The following NRXN3 variants were observed in gnomAD, a reference collection of about 807,000 sequenced individuals.
NRXN3 encodes the protein neurexin III.
NRXN3 carries 32 observed loss-of-function variants against 137.6 expected under a neutral mutation model. The observed-to-expected ratio is 0.23, with a 90% CI of 0.18 to 0.31. The LOEUF (loss-of-function observed/expected upper bound fraction) is 0.31, where lower values mean the gene tolerates loss of function less well. NRXN3 is among the 10% of genes least tolerant of loss of function. The pLI is 1.00. For missense variants in NRXN3, 1,574 were observed against 2,062.5 expected (o/e 0.76, Z 4.59); for synonymous variants, 798 against 784.5 (o/e 1.02, Z -0.29).
At chr14:78,753,904 A>G (rs957001978) in intron 8 of NRXN3, 2 of 152,202 alleles carry the variant, frequency 1.3e-5, no homozygotes, top group Admixed American at 1.3e-4. Context: ...TTGGCTTCCC[A>G]AGGCTCAAAG....
At chr14:79,812,249 T>A (rs1220248838) in intron 20 of NRXN3, among the ~76,000 whole-genome samples, 1 of 152,208 alleles carries the variant, frequency 6.6e-6, no homozygotes, top group African/African-American at 2.4e-5. Context: ...GAAAGTTTGA[T>A]AAATCTCTTC....
At chr14:78,752,323 C>T (rs118138713) in intron 8 of NRXN3, among the ~76,000 whole-genome samples, 1 of 152,088 alleles carries the variant, frequency 6.6e-6, no homozygotes, top group African/African-American at 2.4e-5. Flanking sequence ...GGCTGAGGCA[C>T]CAGAATCACT....
At chr14:78,188,207 A>G (rs1322623338) in intron 1 of NRXN3, among the ~76,000 whole-genome samples, 1 of 152,192 alleles carries the variant, frequency 6.6e-6, no homozygotes, top group African/African-American at 2.4e-5. Context: ...GTGTTTAGAA[A>G]AAGATTGTAG....
rs1037184622 is a variant in NRXN3, at chr14:79,866,569, G to A, written c.*4605G>A. ...ATGACAGACTGCAAAAAGTACATTG[G>A]AGGAAGATATGAGTAGGAAGGTTTT... On this transcript the variant is annotated 3_prime_UTR_variant, in exon 21 of 21. Coordinates refer to ENST00000335750, the MANE Select transcript of NRXN3 (RefSeq NM_001330195.2). 1 of 152,202 alleles carries A rather than the reference G, an allele frequency of 6.6e-6. No individual in the cohort carries two copies. The highest frequency in any genetic ancestry group is 1.9e-4 in the East Asian group (1 of 5,192). The allele number at this position is 152,202 out of a possible 1,614,324, so 9.4% of individuals were successfully genotyped here. A position where few individuals can be genotyped will look rare whatever the true frequency, so the allele number is the denominator to read the frequency against.
At chr14:78,730,993 C>T (rs1021760638) in intron 8 of NRXN3, among the ~76,000 whole-genome samples, 11 of 152,140 alleles carry the variant, frequency 7.2e-5, no homozygotes, top group African/African-American at 2.4e-4. Context: ...CCCCTTTCTT[C>T]CTCCCTCCCT....
chr14:79,765,457 C>T (rs1054924209), intron 19 of NRXN3, among the ~76,000 whole-genome samples: 4 of 152,168 alleles, frequency 2.6e-5, no homozygotes, highest in African/African-American at 4.8e-5. Context: ...CTTTTACATT[C>T]GTTTGGCTTA....
At chr14:78,905,931 A>G (rs1338039576) in intron 10 of NRXN3, among the ~76,000 whole-genome samples, 1 of 151,996 alleles carries the variant, frequency 6.6e-6, no homozygotes, top group Non-Finnish European at 1.5e-5. Flanking sequence ...AGAACATACG[A>G]TTTGGTGGAA....
intron 10 of NRXN3, among the ~76,000 whole-genome samples, chr14:78,932,357 G>T (rs2099324574): frequency 6.6e-6 from 1 of 152,060 alleles, no homozygotes; most frequent in South Asian, 2.1e-4. Flanking sequence ...AACTGAGTAA[G>T]GAAATAATAG....
chr14:79,010,893 C>A (rs2099569810), intron 15 of NRXN3, among the ~76,000 whole-genome samples: 1 of 152,130 alleles, frequency 6.6e-6, no homozygotes, highest in Non-Finnish European at 1.5e-5. Flanking sequence ...TCCCCTTGAC[C>A]TTTCTGCCAT....
chr14:79,782,019 G>A (rs2099115404), intron 19 of NRXN3, among the ~76,000 whole-genome samples: 1 of 152,142 alleles, frequency 6.6e-6, no homozygotes, highest in African/African-American at 2.4e-5. Context: ...GAGCAAGCCT[G>A]CCTCATTCAT....
chr14:78,540,443 T>TTG (rs1373121513), intron 4 of NRXN3, among the ~76,000 whole-genome samples: 2 of 150,566 alleles, frequency 1.3e-5, no homozygotes, highest in Non-Finnish European at 3.0e-5. Context: ...TGCTTTTTTT[T>TTG]TTTTTTTTTG....
chr14:78,910,183 C>A (rs1386136498), intron 10 of NRXN3, among the ~76,000 whole-genome samples: 2 of 152,010 alleles, frequency 1.3e-5, no homozygotes, highest in Non-Finnish European at 2.9e-5. Context: ...GTGGTGTGGA[C>A]TTTTACTTCC....
At chr14:79,567,804 A>G (rs1043244656) in intron 16 of NRXN3, among the ~76,000 whole-genome samples, 1 of 152,124 alleles carries the variant, frequency 6.6e-6, no homozygotes, top group Admixed American at 6.6e-5. Context: ...GAGCATACAG[A>G]CTTTCTGGAT....
At chr14:79,845,267 G>A (rs2099364666) in intron 20 of NRXN3, among the ~76,000 whole-genome samples, 1 of 152,166 alleles carries the variant, frequency 6.6e-6, no homozygotes, top group South Asian at 2.1e-4. Flanking sequence ...TATCATTCGG[G>A]TATTTACTGG....
At chr14:79,329,570 C>T (rs182791824) in intron 15 of NRXN3, among the ~76,000 whole-genome samples, 5 of 152,226 alleles carry the variant, frequency 3.3e-5, no homozygotes, top group Admixed American at 6.5e-5. Flanking sequence ...AACAAATGGA[C>T]GTGACTGTGT....
intron 4 of NRXN3, among the ~76,000 whole-genome samples, chr14:78,537,369 A>G (rs1468953266): frequency 1.3e-5 from 2 of 152,128 alleles, no homozygotes; most frequent in East Asian, 3.9e-4. Context: ...GATGATGAGC[A>G]TTTTTACATG....
At chr14:78,537,827 T>C (rs1419046180) in intron 4 of NRXN3, among the ~76,000 whole-genome samples, 4 of 152,220 alleles carry the variant, frequency 2.6e-5, no homozygotes, top group Non-Finnish European at 4.4e-5. Context: ...TTTCTACATA[T>C]GGCTAGCCAG....
intron 4 of NRXN3, among the ~76,000 whole-genome samples, chr14:78,299,925 G>A (rs971683974): frequency 6.6e-6 from 1 of 152,166 alleles, no homozygotes; most frequent in African/African-American, 2.4e-5. Context: ...ATTTTAAGTT[G>A]CAACTTGAAG....
At chr14:78,226,020 T>C (rs2064608029) in intron 1 of NRXN3, among the ~76,000 whole-genome samples, 1 of 144,872 alleles carries the variant, frequency 6.9e-6, no homozygotes, top group African/African-American at 2.6e-5. Context: ...TGTGTGTGTT[T>C]TGAGATGGAG....
Sources: gnomAD v4.1 joint callset for allele counts (sites outside exome capture counted in the v4.1 genomes callset) on GRCh38, gnomAD v4.1.1 for gene constraint, MANE v1.5 for transcripts, NCBI Gene and HGNC (gene_info 2026-07-23, HGNC 2026-07-21) for gene names.